The following SH3BP5 variants were observed in gnomAD, a reference collection of about 807,000 sequenced individuals.
SH3BP5 encodes the protein SH3 domain-binding protein 5.
Under a neutral mutation model 43.3 loss-of-function variants are expected in SH3BP5, and 22 were observed. That is an observed-to-expected ratio of 0.51 (90% CI 0.36 to 0.73). The LOEUF (loss-of-function observed/expected upper bound fraction) is 0.73, where lower values mean the gene tolerates loss of function less well. SH3BP5 is among the 30% of genes least tolerant of loss of function. The pLI, the probability that SH3BP5 is intolerant of heterozygous loss-of-function variation, is 0.00. For synonymous variants in SH3BP5, 255 were observed against 225.8 expected (o/e 1.13, Z -1.16); for missense variants, 529 against 586.9 (o/e 0.90, Z 1.02).
intron 2 of SH3BP5, among the ~76,000 whole-genome samples, chr3:15,330,253 C>T (rs1698575453): frequency 3.3e-5 from 5 of 152,188 alleles, no homozygotes; most frequent in Admixed American, 2.6e-4. Context: ...CGTTGTGTAA[C>T]GCTCTGCACA....
At chr3:15,307,373 A>G (rs1162622913) in intron 2 of SH3BP5, among the ~76,000 whole-genome samples, 2 of 152,178 alleles carry the variant, frequency 1.3e-5, no homozygotes, top group Non-Finnish European at 2.9e-5. Context: ...GGCTTCCAAT[A>G]AGAGGGAAGC....
At chr3:15,284,764 C>T (rs1360840348) in intron 3 of SH3BP5, among the ~76,000 whole-genome samples, 1 of 152,206 alleles carries the variant, frequency 6.6e-6, no homozygotes, top group African/African-American at 2.4e-5. Flanking sequence ...TCAGTTAACA[C>T]CAACTCACTC....
At chr3:15,278,655 T>C (rs915510948) in intron 3 of SH3BP5, among the ~76,000 whole-genome samples, 4 of 152,246 alleles carry the variant, frequency 2.6e-5, no homozygotes, top group Non-Finnish European at 5.9e-5. Context: ...GAGAATTCCA[T>C]TAAGCCCATT....
intron 3 of SH3BP5, among the ~76,000 whole-genome samples, chr3:15,280,104 C>G (rs552145256): frequency 6.6e-6 from 1 of 152,268 alleles, no homozygotes; most frequent in South Asian, 2.1e-4. Context: ...ACACTTCCAT[C>G]CTTTCACAAT....
chr3:15,335,584 T>C (rs1025382466), upstream of SH3BP5, among the ~76,000 whole-genome samples: 14 of 151,454 alleles, frequency 9.2e-5, no homozygotes, highest in African/African-American at 2.9e-4. Context: ...AAAAAAAATG[T>C]TTTTAATGAA....
chr3:15,276,939 G>A (rs1400260799), intron 3 of SH3BP5, among the ~76,000 whole-genome samples: 6 of 151,900 alleles, frequency 3.9e-5, no homozygotes, highest in Non-Finnish European at 8.8e-5. Flanking sequence ...CTAACCCAGA[G>A]CTTTCATTCT....
intron 3 of SH3BP5, 145 bp from the exon 4 acceptor site, chr3:15,270,022 G>A: frequency 1.5e-6 from 1 of 654,408 alleles, no homozygotes; most frequent in Non-Finnish European, 2.5e-6. Flanking sequence ...GGTCCTCATA[G>A]ATGCCAGACA....
At chr3:15,296,193 A>T (rs712869) in intron 3 of SH3BP5, among the ~76,000 whole-genome samples, 93,066 of 151,936 alleles carry the variant, frequency 0.61, 30,350 homozygotes, top group Non-Finnish European at 0.73. Flanking sequence ...ACCACCTTCA[A>T]GAAGATGGGG....
Position 15,255,285 on chromosome 3 carries a change from T to TAACA in SH3BP5, c.*797_*800dup, listed in dbSNP as rs1164969794. On this transcript the variant is annotated 3_prime_UTR_variant, in exon 9 of 9. Transcript: ENST00000383791. Reference sequence around the variant, plus strand: ...AGAAATTAACATCTTGTCAATCTAATAACAGTGGCAACCATTCTTCACATG... The same window carrying TAACA: ...AGAAATTAACATCTTGTCAATCTAATAACAAACAGTGGCAACCATTCTTCACATG... 20 of 152,790 alleles carry TAACA rather than the reference T, an allele frequency of 1.3e-4. No homozygotes were observed. The highest frequency in any genetic ancestry group is 4.3e-4 in the African/African-American group (18 of 41,584). 9.5% of individuals were successfully genotyped at this position (152,790 alleles called of 1,614,324 possible).
chr3:15,291,725 T>C (rs973152640), intron 3 of SH3BP5, among the ~76,000 whole-genome samples: 4 of 152,202 alleles, frequency 2.6e-5, no homozygotes, highest in Non-Finnish European at 4.4e-5. Flanking sequence ...GTTGGGAATA[T>C]GCAGTCCCAC....
In SH3BP5 at chr3:15,269,889, A is replaced by G. The variant is rs1304537443; in HGVS notation, c.331-12T>C. On this transcript the variant is annotated splice_polypyrimidine_tract_variant and intron_variant, in intron 3 of 8. Transcript: ENST00000383791. ...GCTTCCAGCTGAGCCTGTGTGAGAA[A>G]GAATCCTCATGAGGCCTCAGAAAAT... 2.0e-6 allele frequency: 3 copies of G among 1,518,072 alleles called. No homozygotes were observed. The East Asian group carries it at 7.1e-5, about 36-fold the overall frequency. 94.0% of individuals were successfully genotyped at this position (1,518,072 alleles called of 1,614,324 possible).
At chr3:15,271,726 C>G (rs1336029152) in intron 3 of SH3BP5, 1 of 152,060 alleles carries the variant, frequency 6.6e-6, no homozygotes. Context: ...CCCATCTTTC[C>G]TTTTTTACTG....
At chr3:15,287,824 G>A (rs1697307606) in intron 3 of SH3BP5, among the ~76,000 whole-genome samples, 1 of 152,170 alleles carries the variant, frequency 6.6e-6, no homozygotes, top group Admixed American at 6.5e-5. Context: ...CTGAACCACA[G>A]CACAGAGAAG....
intron 2 of SH3BP5, among the ~76,000 whole-genome samples, chr3:15,314,064 T>C (rs757601661): frequency 1.3e-5 from 2 of 151,856 alleles, no homozygotes; most frequent in African/African-American, 4.8e-5. Context: ...ATCGTCCCAC[T>C]GCACTCCAGC....
chr3:15,262,582 G>A (rs752692120), intron 4 of SH3BP5, among the ~76,000 whole-genome samples: 6 of 151,846 alleles, frequency 4.0e-5, no homozygotes, highest in South Asian at 2.1e-4. Context: ...ACTTGAACCC[G>A]GAGGCAGAGG....
At chr3:15,299,065 T>C (rs1164054977) in intron 3 of SH3BP5, among the ~76,000 whole-genome samples, 1 of 152,214 alleles carries the variant, frequency 6.6e-6, no homozygotes, top group Non-Finnish European at 1.5e-5. Flanking sequence ...TTGGGACTGA[T>C]AGTGATAAAA....
At chr3:15,263,886 G>A (rs1421970413) in intron 4 of SH3BP5, among the ~76,000 whole-genome samples, 1 of 152,180 alleles carries the variant, frequency 6.6e-6, no homozygotes, top group Admixed American at 6.5e-5. Flanking sequence ...AGGCTAAAGG[G>A]TTATTCTCTA....
upstream of SH3BP5, among the ~76,000 whole-genome samples, chr3:15,336,239 T>C (rs1466009508): frequency 6.6e-6 from 1 of 152,160 alleles, no homozygotes; most frequent in African/African-American, 2.4e-5. Context: ...GGTGGGAATA[T>C]GCCTTGGGTG....
At chr3:15,293,993 G>A (rs1373419281) in intron 3 of SH3BP5, among the ~76,000 whole-genome samples, 6 of 149,418 alleles carry the variant, frequency 4.0e-5, no homozygotes, top group African/African-American at 1.5e-4. Context: ...CAGAAGAATC[G>A]CTTCAACCTG....
Sources: gnomAD v4.1 joint callset for allele counts (sites outside exome capture counted in the v4.1 genomes callset) on GRCh38, gnomAD v4.1.1 for gene constraint, MANE v1.5 for transcripts, NCBI Gene and HGNC (gene_info 2026-07-23, HGNC 2026-07-21) for gene names.